Variants in GPHN observed in about 807,000 individuals in gnomAD.
GPHN encodes the protein gephyrin.
GPHN carries 17 observed loss-of-function variants against 95.5 expected under a neutral mutation model. The ratio of observed to expected loss-of-function variants is 0.18; its 90% CI spans 0.12 to 0.27. GPHN has a LOEUF of 0.27. Ranked by LOEUF, GPHN falls within the 10% of genes least tolerant of loss-of-function variation. The pLI, the probability that GPHN is intolerant of heterozygous loss-of-function variation, is 1.00. For missense variants in GPHN, 660 were observed against 978.1 expected, an observed-to-expected ratio of 0.67 and a Z score of 4.34; for synonymous variants, 320 against 322.5, an observed-to-expected ratio of 0.99 and a Z score of 0.08.
chr14:67,559,553 C>A, the GPHN span: 9 of 1,263,004 alleles, frequency 7.1e-6, no homozygotes, highest in African/African-American at 8.9e-5. Context: ...CACCTCCAGT[C>A]AGTCACTCTC....
the GPHN span, among the ~76,000 whole-genome samples, chr14:67,310,393 A>C: frequency 7.9e-5 from 12 of 152,308 alleles, no homozygotes; most frequent in Admixed American, 1.3e-4. Flanking sequence ...TATATGAATT[A>C]ATATACAGGG....
chr14:67,574,376 G>C, the GPHN span: 1 of 1,587,842 alleles, frequency 6.3e-7, no homozygotes, highest in Admixed American at 1.8e-5. The surrounding 1 kb of genome is among the most constrained non-coding windows in gnomAD (Gnocchi z 4.2). Flanking sequence ...GTGGCACCAA[G>C]CCCACCGTGA....
intron 5 of GPHN, among the ~76,000 whole-genome samples, chr14:66,911,297 A>G (rs933546488): frequency 1.3e-5 from 2 of 151,716 alleles, no homozygotes; most frequent in South Asian, 2.1e-4. Context: ...GCTAATGGGT[A>G]TGGGATTTTT....
At chr14:67,663,285 G>A in the GPHN span, 1 of 825,038 alleles carries the variant, frequency 1.2e-6, no homozygotes, top group Admixed American at 3.0e-5. Flanking sequence ...TTATACTACA[G>A]GTTTTCCATC....
At chr14:67,598,713 CT>C in the GPHN span, among the ~76,000 whole-genome samples, 2,028 of 144,400 alleles carry the variant, frequency 0.014, 26 homozygotes, top group Non-Finnish European at 0.022. Flanking sequence ...TATGAACAAA[CT>C]TTTTTTTTTT....
intron 22 of GPHN, 136 bp from the exon 23 acceptor site, chr14:67,180,668 T>A (rs2083280500): frequency 2.4e-5 from 18 of 762,936 alleles, no homozygotes; most frequent in Non-Finnish European, 4.1e-5. Context: ...CTGAAAAAGG[T>A]ACTGGAAAGT....
chr14:67,005,511 T>G (rs1016625149), intron 9 of GPHN, among the ~76,000 whole-genome samples: 1 of 151,974 alleles, frequency 6.6e-6, no homozygotes, highest in African/African-American at 2.4e-5. Context: ...CCATTAGCTT[T>G]GAAAAATTCA....
At chr14:66,768,602 CA>C (rs1455687362) in intron 2 of GPHN, among the ~76,000 whole-genome samples, 3 of 151,788 alleles carry the variant, frequency 2.0e-5, no homozygotes, top group African/African-American at 7.3e-5. Flanking sequence ...TACATGTACC[CA>C]AAAACAGAGT....
chr14:66,604,755 A>G (rs2062432876), intron 1 of GPHN, among the ~76,000 whole-genome samples: 1 of 152,126 alleles, frequency 6.6e-6, no homozygotes, highest in Non-Finnish European at 1.5e-5. Context: ...TTACATGGGT[A>G]TATTGCATGA....
At chr14:67,330,527 C>G in the GPHN span, among the ~76,000 whole-genome samples, 1 of 142,436 alleles carries the variant, frequency 7.0e-6, no homozygotes, top group East Asian at 2.1e-4. Context: ...GGCACTATCT[C>G]TGCTCACTGC....
At chr14:66,978,824 C>T (rs554625097) in intron 9 of GPHN, among the ~76,000 whole-genome samples, 1 of 152,282 alleles carries the variant, frequency 6.6e-6, no homozygotes, top group South Asian at 2.1e-4. Context: ...TATATGGCAA[C>T]TGTATAGCCT....
At chr14:67,658,605 T>A in the GPHN span, among the ~76,000 whole-genome samples, 7 of 151,932 alleles carry the variant, frequency 4.6e-5, no homozygotes, top group African/African-American at 7.3e-5. Flanking sequence ...TCAAAAAAAA[T>A]AATAATAATT....
chr14:66,852,859 G>A (rs1210065521), intron 4 of GPHN, among the ~76,000 whole-genome samples: 1 of 152,160 alleles, frequency 6.6e-6, no homozygotes, highest in African/African-American at 2.4e-5. Context: ...GCAAATATGT[G>A]ATACTTTTTA....
the GPHN span, chr14:67,647,790 A>T: frequency 2.9e-5 from 13 of 452,246 alleles, no homozygotes; most frequent in Middle Eastern, 5.9e-4. Context: ...GTAAGGCAGA[A>T]ATATACATTG....
At chr14:67,646,191 G>A in the GPHN span, among the ~76,000 whole-genome samples, 1 of 152,144 alleles carries the variant, frequency 6.6e-6, no homozygotes, top group African/African-American at 2.4e-5. Context: ...ACTAGAATCT[G>A]TATATCCCTC....
intron 2 of GPHN, among the ~76,000 whole-genome samples, chr14:66,745,658 A>G (rs1165271309): frequency 6.6e-6 from 1 of 152,024 alleles, no homozygotes; most frequent in Non-Finnish European, 1.5e-5. Context: ...AAAAATGTAA[A>G]TTTAGATAAT....
intron 18 of GPHN, among the ~76,000 whole-genome samples, chr14:67,155,924 G>A (rs1567419176): frequency 6.6e-6 from 1 of 152,114 alleles, no homozygotes; most frequent in Non-Finnish European, 1.5e-5. Context: ...GATTTAAATG[G>A]AAATGATGGA....
the GPHN span, among the ~76,000 whole-genome samples, chr14:67,225,979 G>A: frequency 7.6e-5 from 11 of 144,766 alleles, no homozygotes; most frequent in South Asian, 2.1e-4. Context: ...GCGCGCGTGC[G>A]CATGCGCGTG....
At chr14:66,738,730 T>A (rs1368559564) in intron 2 of GPHN, among the ~76,000 whole-genome samples, 5 of 152,178 alleles carry the variant, frequency 3.3e-5, no homozygotes, top group Admixed American at 3.3e-4. Flanking sequence ...TTAATGTATT[T>A]ATTCCCATAA....
Sources: allele counts gnomAD v4.1 joint callset (sites outside exome capture counted in the v4.1 genomes callset), GRCh38; gene constraint gnomAD v4.1.1; non-coding constraint Gnocchi (gnomAD v3.1); transcripts MANE v1.5; gene names NCBI Gene and HGNC (gene_info 2026-07-23, HGNC 2026-07-21).